PREX2: variants seen among roughly 807,000 people sequenced by gnomAD.
The protein encoded by PREX2 is phosphatidylinositol 3,4,5-trisphosphate-dependent Rac exchanger 2 protein.
In PREX2, 107 loss-of-function variants were observed where a neutral mutation model predicts 203.2. That is an observed-to-expected ratio of 0.53 (90% CI 0.45 to 0.62). PREX2 has a LOEUF of 0.62. PREX2 is among the 20% of genes least tolerant of loss of function. PREX2 has a pLI of 0.00. For synonymous variants in PREX2, 672 were observed against 663.6 expected, an observed-to-expected ratio of 1.01 and a Z score of -0.19; for missense variants, 1,777 against 1,955.9, an observed-to-expected ratio of 0.91 and a Z score of 1.72.
intron 1 of PREX2, among the ~76,000 whole-genome samples, chr8:67,994,951 G>T (rs879407075): frequency 6.6e-6 from 1 of 152,094 alleles, no homozygotes; most frequent in South Asian, 2.1e-4. Context: ...AATTCAGGAC[G>T]TTTATATTTC....
At chr8:68,021,343 C>T (rs115055213) in intron 3 of PREX2, among the ~76,000 whole-genome samples, 1,611 of 152,250 alleles carry the variant, frequency 0.011, 39 homozygotes, top group African/African-American at 0.035. Flanking sequence ...TACAACATAA[C>T]GCTGTTTGAA....
At chr8:68,127,208 G>C (rs1032123953) in intron 30 of PREX2, among the ~76,000 whole-genome samples, 170 bp from the exon 31 acceptor site, 1 of 152,094 alleles carries the variant, frequency 6.6e-6, no homozygotes, top group Non-Finnish European at 1.5e-5. Flanking sequence ...TTAGGTTGGT[G>C]CAAAAGTAAT....
At chr8:68,160,219 T>A (rs947809938) in intron 35 of PREX2, among the ~76,000 whole-genome samples, 1 of 152,118 alleles carries the variant, frequency 6.6e-6, no homozygotes, top group Non-Finnish European at 1.5e-5. Flanking sequence ...GTCTTTTCCA[T>A]CCTTGCATGA....
chr8:67,952,697 G>A lies in PREX2; in HGVS notation c.141+162G>A, dbSNP rs909463406. 4 of 974,648 alleles carry A rather than the reference G, an allele frequency of 4.1e-6. No individual in the cohort carries two copies. In the African/African-American group the frequency reaches 4.9e-5, roughly 12 times the overall value. The allele number at this position is 974,648 out of a possible 1,614,324, so 60.4% of individuals were successfully genotyped here. ...ACGTGTGGACTCTGCGTTCGCGGGC[G>A]CGGTGACCCCCGCGGGGATTTGTTG... is the stretch of plus-strand genomic sequence containing the variant. On this transcript the variant is annotated intron_variant, in intron 1 of 39. Coordinates refer to ENST00000288368, the MANE Select transcript of PREX2 (RefSeq NM_024870.4).
chr8:68,094,474 C>T (rs185539889), intron 21 of PREX2, among the ~76,000 whole-genome samples: 3 of 152,172 alleles, frequency 2.0e-5, no homozygotes, highest in African/African-American at 7.2e-5. Flanking sequence ...TTGCCAAGGG[C>T]GACAGAGGCA....
intron 1 of PREX2, among the ~76,000 whole-genome samples, chr8:67,981,140 C>T (rs4737873): frequency 0.34 from 52,428 of 152,042 alleles, 9,457 homozygotes; most frequent in East Asian, 0.61. Context: ...CTATAGTTCA[C>T]AGTTATTGGG....
intron 38 of PREX2, among the ~76,000 whole-genome samples, chr8:68,218,638 C>T (rs1012338012): frequency 2.0e-5 from 3 of 152,204 alleles, no homozygotes; most frequent in Non-Finnish European, 1.5e-5. Context: ...GTATCTAACT[C>T]GCAGGCAAAC....
chr8:68,071,898 G>A (rs1464446485), intron 13 of PREX2, among the ~76,000 whole-genome samples: 1 of 152,056 alleles, frequency 6.6e-6, no homozygotes, highest in Non-Finnish European at 1.5e-5. Flanking sequence ...GGAATAAAAG[G>A]CATTTCTTTA....
intron 21 of PREX2, among the ~76,000 whole-genome samples, chr8:68,096,602 T>A (rs558481085): frequency 6.6e-6 from 1 of 152,340 alleles, no homozygotes; most frequent in East Asian, 1.9e-4. Flanking sequence ...CCTTTCTGCT[T>A]CTTCAATATG....
rs1807451871 is a variant in PREX2, at chr8:68,017,928, A to C, written c.213+11A>C. ...GAAGAAACAGTGAAGGTGAGGAGGT[A>C]CAACTGGCCTTCAACCTGAGCATGA... is the stretch of plus-strand genomic sequence containing the variant. On this transcript the variant is annotated intron_variant, in intron 2 of 39. Coordinates refer to ENST00000288368, the MANE Select transcript of PREX2 (RefSeq NM_024870.4). 1.2e-6 allele frequency: 2 copies of C among 1,606,150 alleles called. No homozygotes were observed.
intron 1 of PREX2, among the ~76,000 whole-genome samples, chr8:67,967,134 CT>C (rs1805800205): frequency 6.6e-6 from 1 of 152,128 alleles, no homozygotes; most frequent in East Asian, 1.9e-4. Context: ...TTATTTTTTA[CT>C]GTTAACCTTA....
At chr8:68,043,385 T>A (rs188992231) in intron 7 of PREX2, among the ~76,000 whole-genome samples, 1 of 146,414 alleles carries the variant, frequency 6.8e-6, no homozygotes, top group East Asian at 1.9e-4. Flanking sequence ...AAGTCAGGAA[T>A]ATGCAATTTT....
chr8:68,055,000 A>G (rs181624837), intron 9 of PREX2, among the ~76,000 whole-genome samples: 23 of 152,290 alleles, frequency 1.5e-4, no homozygotes, highest in Middle Eastern at 3.4e-3. Context: ...TCTTTGCCCT[A>G]TGGCCCTACC....
intron 13 of PREX2, among the ~76,000 whole-genome samples, chr8:68,070,520 T>G (rs1323855748): frequency 6.6e-6 from 1 of 152,040 alleles, no homozygotes; most frequent in Non-Finnish European, 1.5e-5. Context: ...ACTAACAGAG[T>G]AGATCTTCAG....
chr8:68,154,894 A>G (rs1418584326), intron 34 of PREX2, among the ~76,000 whole-genome samples: 1 of 152,160 alleles, frequency 6.6e-6, no homozygotes, highest in Non-Finnish European at 1.5e-5. Flanking sequence ...AGAGGTGGGG[A>G]ATGTAGGAGG....
chr8:67,953,316 T>C (rs62522398), intron 1 of PREX2, among the ~76,000 whole-genome samples: 38,514 of 151,706 alleles, frequency 0.25, 5,833 homozygotes, highest in East Asian at 0.51. Context: ...TCTGCTTGAC[T>C]CACTGCCATC....
Position 68,022,105 on chromosome 8 carries a change from C to A in PREX2, c.406C>A (p.Leu136Ile). 6.4e-7 allele frequency: 1 copy of A among 1,566,078 alleles called. No individual in the cohort carries two copies. The highest frequency in any genetic ancestry group is 8.8e-7 in the Non-Finnish European group (1 of 1,136,594). The change falls in exon 4 of 40, where the codon CTC becomes ATC. Residue 136 changes from leucine (L) to isoleucine (I), a missense_variant. Transcript: ENST00000288368. ...HEKAQKLLLE[L>I]NKIRTIRTFL... is the part of the protein sequence containing the mutation. ...GAAGGCACAAAAATTACTTCTTGAA[C>A]TCAACAAAATAAGAACAATCCGGAC...
intron 1 of PREX2, among the ~76,000 whole-genome samples, chr8:67,969,286 A>G (rs1805860035): frequency 6.6e-6 from 1 of 152,200 alleles, no homozygotes; most frequent in African/African-American, 2.4e-5. Flanking sequence ...TCTGTGGTCT[A>G]TGAATGCCAC....
intron 1 of PREX2, among the ~76,000 whole-genome samples, chr8:67,991,227 C>T (rs1004360213): frequency 1.3e-5 from 2 of 152,134 alleles, no homozygotes; most frequent in South Asian, 2.1e-4. Flanking sequence ...CAAGCTCATA[C>T]AACTCTTAAG....
Sources: gnomAD v4.1 joint callset for allele counts (sites outside exome capture counted in the v4.1 genomes callset) on GRCh38, gnomAD v4.1.1 for gene constraint, MANE v1.5 for transcripts, NCBI Gene and HGNC (gene_info 2026-07-23, HGNC 2026-07-21) for gene names.